Variants in RSPO2 observed in about 807,000 individuals in gnomAD.
The protein encoded by RSPO2 is R-spondin-2.
A neutral mutation model predicts 30.9 loss-of-function variants in RSPO2; 14 were observed. The ratio of observed to expected loss-of-function variants is 0.45; its 90% CI spans 0.30 to 0.71. The LOEUF is 0.71. Among genes scored for constraint, RSPO2 ranks in the 30% least tolerant of loss-of-function variants. RSPO2 has a pLI of 0.08. For synonymous variants in RSPO2, 107 were observed against 96.4 expected (o/e 1.11, Z -0.64); for missense variants, 264 against 301.9 (o/e 0.87, Z 0.93).
At chr8:107,973,219 G>A (rs977270069) in intron 3 of RSPO2, among the ~76,000 whole-genome samples, 5 of 151,078 alleles carry the variant, frequency 3.3e-5, no homozygotes, top group African/African-American at 4.9e-5. Flanking sequence ...GCAGTGAGCC[G>A]AGATCACGCC....
chr8:108,031,291 C>T lies in RSPO2; in HGVS notation c.95-42047G>A, dbSNP rs570943256. ...GCATCTCTAATGGATCACCATTACA[C>T]GGTGCAGAAAACGTGACTCAGGAAG... On this transcript the variant is annotated intron_variant, in intron 2 of 5. Transcript: ENST00000276659. Among the ~76,000 whole-genome samples, 5 of 152,268 alleles carry T rather than the reference C, an allele frequency of 3.3e-5. No homozygotes were observed. The South Asian group carries it at 6.2e-4, about 19-fold the overall frequency.
At chr8:107,936,836 G>A (rs559712978) in intron 5 of RSPO2, among the ~76,000 whole-genome samples, 1 of 152,094 alleles carries the variant, frequency 6.6e-6, no homozygotes, top group Non-Finnish European at 1.5e-5. Context: ...CATGTTCTTT[G>A]TCCATTTTCT....
intron 2 of RSPO2, among the ~76,000 whole-genome samples, chr8:108,065,789 G>A (rs1413501584): frequency 6.6e-6 from 1 of 152,124 alleles, no homozygotes; most frequent in African/African-American, 2.4e-5. Context: ...TGTAATCCCA[G>A]CACTTTGGGA....
chr8:107,922,300 C>T (rs1265636206), intron 5 of RSPO2, among the ~76,000 whole-genome samples: 1 of 152,132 alleles, frequency 6.6e-6, no homozygotes, highest in Non-Finnish European at 1.5e-5. Context: ...CATTCCTATA[C>T]ACCAACAGTC....
chr8:108,043,342 C>A (rs1487412831), intron 2 of RSPO2, among the ~76,000 whole-genome samples: 2 of 152,128 alleles, frequency 1.3e-5, no homozygotes, highest in African/African-American at 2.4e-5. Context: ...AAAGCAGGAA[C>A]AACAACTCAG....
intron 2 of RSPO2, among the ~76,000 whole-genome samples, chr8:108,075,608 C>T (rs1812985842): frequency 6.6e-6 from 1 of 151,752 alleles, no homozygotes; most frequent in South Asian, 2.1e-4. Context: ...CACTAGTGTA[C>T]TCGGAGAAAT....
intron 5 of RSPO2, among the ~76,000 whole-genome samples, chr8:107,911,104 T>C (rs918296048): frequency 6.6e-6 from 1 of 152,186 alleles, no homozygotes; most frequent in African/African-American, 2.4e-5. Context: ...CTGTTCTTCC[T>C]AGGCTCCCCC....
At chr8:107,927,252 C>T (rs1329950083) in intron 5 of RSPO2, among the ~76,000 whole-genome samples, 1 of 152,106 alleles carries the variant, frequency 6.6e-6, no homozygotes, top group East Asian at 1.9e-4. Flanking sequence ...ATTTTGTATC[C>T]TGAGACTTTG....
chr8:108,070,393 C>T (rs960661864), intron 2 of RSPO2, among the ~76,000 whole-genome samples: 35 of 149,812 alleles, frequency 2.3e-4, no homozygotes, highest in African/African-American at 5.9e-4. Context: ...CCCGGGTTCA[C>T]GCCATTCTCC....
At chr8:108,064,067 A>G (rs1812574031) in intron 2 of RSPO2, among the ~76,000 whole-genome samples, 1 of 152,240 alleles carries the variant, frequency 6.6e-6, no homozygotes, top group South Asian at 2.1e-4. Flanking sequence ...ACCTAAAACC[A>G]TAAAAACCCT....
rs771633086 is a variant in RSPO2, at chr8:107,960,868, C to CAAAAATT, written c.284-52_284-51insAATTTTT. 4.3e-6 allele frequency: 6 copies of CAAAAATT among 1,397,964 alleles called. No homozygotes were observed. The African/African-American group carries it at 8.8e-5, about 21-fold the overall frequency. The allele number at this position is 1,397,964 out of a possible 1,614,324, so 86.6% of individuals were successfully genotyped here. The stretch of plus-strand genomic sequence containing the variant: ...AGAAAATTTCAGTCAAAGAAATTTA[C>CAAAAATT]TTGTTTTACAAATAAAATTTTTGTA... On this transcript the variant is annotated intron_variant, in intron 3 of 5. Coordinates refer to ENST00000276659, the MANE Select transcript of RSPO2 (RefSeq NM_178565.5).
At chr8:108,025,065 A>G (rs1321579852) in intron 2 of RSPO2, among the ~76,000 whole-genome samples, 2 of 152,224 alleles carry the variant, frequency 1.3e-5, no homozygotes, top group Admixed American at 6.5e-5. Flanking sequence ...GAATAAAAGC[A>G]GAAACAAATT....
At chr8:107,981,257 G>C (rs1203049989) in intron 3 of RSPO2, among the ~76,000 whole-genome samples, 1 of 152,014 alleles carries the variant, frequency 6.6e-6, no homozygotes, top group African/African-American at 2.4e-5. Flanking sequence ...AGTGGCTCAT[G>C]ACTGTAATCT....
intron 2 of RSPO2, among the ~76,000 whole-genome samples, chr8:108,040,196 G>A (rs1211308869): frequency 6.6e-6 from 1 of 152,080 alleles, no homozygotes; most frequent in Non-Finnish European, 1.5e-5. Flanking sequence ...TGAGAAATAG[G>A]AAAATAGATA....
intron 3 of RSPO2, among the ~76,000 whole-genome samples, chr8:107,964,002 T>C (rs1372043846): frequency 1.3e-5 from 2 of 152,194 alleles, no homozygotes; most frequent in African/African-American, 4.8e-5. Flanking sequence ...TTCACTCAAA[T>C]TGTAAGGGGA....
chr8:107,983,486 A>G, intron 3 of RSPO2: 3 of 1,598,450 alleles, frequency 1.9e-6, no homozygotes, highest in Non-Finnish European at 1.7e-6. Flanking sequence ...CCTTCCACAG[A>G]GAAATGTCTG....
At chr8:108,019,367 T>C (rs1183680617) in intron 2 of RSPO2, among the ~76,000 whole-genome samples, 2 of 151,702 alleles carry the variant, frequency 1.3e-5, no homozygotes, top group South Asian at 2.1e-4. Flanking sequence ...AAAATAATAA[T>C]AAATTAAGGT....
At position 107,983,691 on chromosome 8, in the gene RSPO2, A is replaced by G. The variant is rs1814528774; in HGVS notation, c.283+5365T>C. Reference sequence around the variant, plus strand: ...TCCTTGTGGCAGAGAATTAAAGATTAAGGGAAGAAAATAACAACTAAAGGC... The same window carrying G: ...TCCTTGTGGCAGAGAATTAAAGATTGAGGGAAGAAAATAACAACTAAAGGC... On this transcript the variant is annotated intron_variant, in intron 3 of 5. Transcript: ENST00000276659. 21 of 1,592,814 alleles carry G rather than the reference A, an allele frequency of 1.3e-5. No individual in the cohort carries two copies. In the South Asian group the frequency reaches 2.2e-4, roughly 17 times the overall value.
At chr8:107,920,424 A>T (rs2130306033) in intron 5 of RSPO2, among the ~76,000 whole-genome samples, 1 of 152,254 alleles carries the variant, frequency 6.6e-6, no homozygotes, top group Admixed American at 6.5e-5. Context: ...ACTCCAAAAA[A>T]ACTAAATCAT....
Sources: allele counts gnomAD v4.1 joint callset (sites outside exome capture counted in the v4.1 genomes callset), GRCh38; gene constraint gnomAD v4.1.1; transcripts MANE v1.5; gene names NCBI Gene and HGNC (gene_info 2026-07-23, HGNC 2026-07-21).